The following SLC30A8 variants were observed in gnomAD, a reference collection of about 807,000 sequenced individuals.
SLC30A8 encodes proton-coupled zinc antiporter SLC30A8.
In SLC30A8, 27 loss-of-function variants were observed where a neutral mutation model predicts 36.9. The observed-to-expected ratio is 0.73, with a 90% CI of 0.54 to 1.01. The LOEUF (loss-of-function observed/expected upper bound fraction) is 1.01. SLC30A8 is among the 50% of genes least tolerant of loss of function. The probability of loss-of-function intolerance (pLI) is 0.00; values close to 1 mark genes in which losing one functional copy is unlikely to be tolerated. For missense variants in SLC30A8, 439 were observed against 452.0 expected (o/e 0.97, Z 0.26); for synonymous variants, 164 against 172.4 (o/e 0.95, Z 0.38).
At chr8:117,070,338 T>G (rs144185027) in intron 2 of SLC30A8, among the ~76,000 whole-genome samples, 418 of 152,310 alleles carry the variant, frequency 2.7e-3, no homozygotes, top group African/African-American at 9.6e-3. Context: ...ATTTCCATGC[T>G]TGGCCGTTGG....
chr8:117,141,509 ACTT>A (rs1177187692), intron 1 of SLC30A8, among the ~76,000 whole-genome samples: 1 of 152,136 alleles, frequency 6.6e-6, no homozygotes, highest in Non-Finnish European at 1.5e-5. Flanking sequence ...ATAGAACGAA[ACTT>A]CTTCAAAAGC....
In SLC30A8 at chr8:117,135,168, CCAA is replaced by C; in HGVS notation, c.-154_-152del. ...GGAGGCTGTAATTTTAGCAGACCTA[CCAA>C]CAACACTGATGTAGGAAGCTCATTA... On this transcript the variant is annotated 5_prime_UTR_variant, in exon 1 of 8. Transcript: ENST00000456015. The C allele has an allele frequency of 4.4e-6, 2 of 459,464 alleles. No individual in the cohort carries two copies. The highest frequency in any genetic ancestry group is 7.8e-6 in the Non-Finnish European group (2 of 256,512). 28.5% of individuals were successfully genotyped at this position (459,464 alleles called of 1,614,324 possible).
chr8:117,001,006 T>C (rs1288153171), intron 1 of SLC30A8, among the ~76,000 whole-genome samples: 1 of 152,158 alleles, frequency 6.6e-6, no homozygotes, highest in Non-Finnish European at 1.5e-5. Context: ...CCCCTTCATC[T>C]TTTTTCAGCA....
chr8:117,062,244 GGTT>G (rs1563574522), intron 2 of SLC30A8, among the ~76,000 whole-genome samples: 1 of 152,144 alleles, frequency 6.6e-6, no homozygotes, highest in Non-Finnish European at 1.5e-5. Flanking sequence ...GTGTTAGTTA[GGTT>G]GTTCTTGTAT....
chr8:117,066,428 CT>C (rs1474881543), intron 2 of SLC30A8, among the ~76,000 whole-genome samples: 1 of 152,186 alleles, frequency 6.6e-6, no homozygotes, highest in African/African-American at 2.4e-5. Context: ...GATCCAGGTG[CT>C]GCTTGCCTGC....
intron 1 of SLC30A8, among the ~76,000 whole-genome samples, chr8:117,032,157 C>CTT (rs370599939): frequency 6.8e-6 from 1 of 146,964 alleles, no homozygotes; most frequent in Admixed American, 6.8e-5. Flanking sequence ...TCCTGCCATG[C>CTT]TTTTTTTTTT....
chr8:117,103,760 C>T (rs972514490), intron 2 of SLC30A8, among the ~76,000 whole-genome samples: 7 of 152,128 alleles, frequency 4.6e-5, no homozygotes, highest in Admixed American at 6.6e-5. Flanking sequence ...TGAGCCACTG[C>T]GCCCAGCCAT....
chr8:117,159,350 A>G (rs1347910412), intron 4 of SLC30A8, among the ~76,000 whole-genome samples: 1 of 152,196 alleles, frequency 6.6e-6, no homozygotes, highest in East Asian at 1.9e-4. Flanking sequence ...CGAAAAATGA[A>G]GTTTTAAACA....
At chr8:117,080,705 A>G (rs1369351429) in intron 2 of SLC30A8, among the ~76,000 whole-genome samples, 4 of 152,162 alleles carry the variant, frequency 2.6e-5, no homozygotes, top group Non-Finnish European at 5.9e-5. Context: ...TATGGTATAT[A>G]TGTATCAGAT....
chr8:116,959,119 G>A (rs1488937669), intron 1 of SLC30A8, among the ~76,000 whole-genome samples: 1 of 151,976 alleles, frequency 6.6e-6, no homozygotes, highest in Non-Finnish European at 1.5e-5. Flanking sequence ...AAAGTGCTGG[G>A]ATTACAGGCA....
chr8:117,038,415 C>G (rs1294448045), intron 1 of SLC30A8, among the ~76,000 whole-genome samples: 1 of 152,076 alleles, frequency 6.6e-6, no homozygotes, highest in Non-Finnish European at 1.5e-5. Context: ...TGCTGTATAT[C>G]TTGATTTATT....
intron 2 of SLC30A8, among the ~76,000 whole-genome samples, chr8:117,109,194 C>G (rs1820123024): frequency 6.6e-6 from 1 of 152,262 alleles, no homozygotes; most frequent in East Asian, 1.9e-4. Flanking sequence ...TGCACCTAGC[C>G]TTGAAGGCAG....
At chr8:116,961,423 C>T (rs984031457) in intron 1 of SLC30A8, among the ~76,000 whole-genome samples, 18 of 151,926 alleles carry the variant, frequency 1.2e-4, no homozygotes, top group African/African-American at 3.4e-4. Context: ...AGCAAGACTC[C>T]GTCTCAAAAC....
chr8:117,154,422 A>G (rs750433862), intron 3 of SLC30A8, among the ~76,000 whole-genome samples: 13 of 152,222 alleles, frequency 8.5e-5, no homozygotes, highest in African/African-American at 1.2e-4. Flanking sequence ...TGGAGAGCTG[A>G]GCAAGGGTGG....
chr8:117,150,832 C>T (rs1025822295), intron 2 of SLC30A8, among the ~76,000 whole-genome samples: 1 of 152,110 alleles, frequency 6.6e-6, no homozygotes, highest in Non-Finnish European at 1.5e-5. Context: ...GTCTTGATCT[C>T]CTGACCTCGT....
intron 1 of SLC30A8, among the ~76,000 whole-genome samples, chr8:116,979,224 G>C (rs113105741): frequency 8.2e-6 from 1 of 122,266 alleles, no homozygotes; most frequent in Admixed American, 9.8e-5. Context: ...GGGCAATAGC[G>C]TGAGACCCTG....
chr8:117,147,031 T>C lies in SLC30A8; in HGVS notation c.149T>C (p.Met50Thr). 6.2e-7 allele frequency: 1 copy of C among 1,614,022 alleles called. No homozygotes were observed. The highest frequency in any genetic ancestry group is 8.5e-7 in the Non-Finnish European group (1 of 1,179,922). The change falls in exon 2 of 8, where the codon ATG becomes ACG. Residue 50 changes from methionine to threonine, a missense_variant. By Grantham distance (81) the Met-to-Thr change is moderately conservative. Transcript: ENST00000456015. ...ERPEELESGG[M>T]YHCHSGSKPT... Reference sequence around the variant, plus strand: ...CCAGAGGAGCTGGAGTCAGGAGGCATGTACCACTGCCACAGTGGCTCCAAG... The same window carrying C: ...CCAGAGGAGCTGGAGTCAGGAGGCACGTACCACTGCCACAGTGGCTCCAAG...
chr8:116,977,141 CTTTTTT>C (rs71305451), intron 1 of SLC30A8, among the ~76,000 whole-genome samples: 3 of 59,106 alleles, frequency 5.1e-5, no homozygotes, highest in Non-Finnish European at 5.6e-5. Context: ...CTTTTTCTTG[CTTTTTT>C]TTTTTTTTTT....
chr8:116,964,992 G>A (rs949488157), intron 1 of SLC30A8, among the ~76,000 whole-genome samples: 9 of 152,122 alleles, frequency 5.9e-5, no homozygotes, highest in Non-Finnish European at 1.0e-4. Flanking sequence ...GCTGGAGTGC[G>A]ATGGTGTGAT....
Sources: gnomAD v4.1 joint callset for allele counts (sites outside exome capture counted in the v4.1 genomes callset) on GRCh38, gnomAD v4.1.1 for gene constraint, MANE v1.5 for transcripts, NCBI Gene and HGNC (gene_info 2026-07-23, HGNC 2026-07-21) for gene names.